Variants in DIP2C observed in about 807,000 individuals in gnomAD.
The protein encoded by DIP2C is disco-interacting protein 2 homolog C.
DIP2C carries 33 observed loss-of-function variants against 192.4 expected under a neutral mutation model. That is an observed-to-expected ratio of 0.17 (90% CI 0.13 to 0.23). DIP2C has a LOEUF of 0.23. DIP2C is among the 10% of genes least tolerant of loss of function. The pLI is 1.00. For missense variants in DIP2C, 1,537 were observed against 2,110.1 expected (o/e 0.73, Z 5.32); for synonymous variants, 979 against 864.1 (o/e 1.13, Z -2.33).
chr10:453,446 G>A (rs1434258964), intron 3 of DIP2C, among the ~76,000 whole-genome samples: 1 of 152,254 alleles, frequency 6.6e-6, no homozygotes, highest in Non-Finnish European at 1.5e-5. Context: ...GCAAATGCCT[G>A]AAATACAAAT....
intron 8 of DIP2C, among the ~76,000 whole-genome samples, chr10:410,640 G>A (rs1484235346): frequency 6.6e-6 from 1 of 152,150 alleles, no homozygotes; most frequent in Non-Finnish European, 1.5e-5. Context: ...CTTTGCAACT[G>A]AAAGAAAAAC....
chr10:353,011 G>A (rs1352260745), intron 24 of DIP2C, among the ~76,000 whole-genome samples: 1 of 152,144 alleles, frequency 6.6e-6, no homozygotes, highest in African/African-American at 2.4e-5. Flanking sequence ...CACCGCAGGT[G>A]ACAGTCGTCA....
At chr10:443,018 G>T (rs748982598) in intron 3 of DIP2C, among the ~76,000 whole-genome samples, 1 of 152,102 alleles carries the variant, frequency 6.6e-6, no homozygotes, top group African/African-American at 2.4e-5. Context: ...GGTATCTTCC[G>T]GACTAGACTC....
intron 9 of DIP2C, among the ~76,000 whole-genome samples, chr10:406,978 T>G (rs1321234884): frequency 3.9e-5 from 6 of 151,938 alleles, no homozygotes; most frequent in Non-Finnish European, 8.8e-5. Context: ...CGATCCCATC[T>G]CCAACCTGAC....
intron 2 of DIP2C, chr10:484,839 C>T (rs528956215): frequency 9.8e-5 from 158 of 1,611,646 alleles, no homozygotes; most frequent in Middle Eastern, 6.6e-4. Context: ...GCTCCCGAGC[C>T]GCAGCTTCTC....
chr10:326,897 C>A, intron 31 of DIP2C, 109 bp downstream of exon 31: 1 of 1,344,964 alleles, frequency 7.4e-7, no homozygotes, highest in East Asian at 2.4e-5. Context: ...AAGATCTCTT[C>A]TGGATGTAGC....
chr10:325,362 C>A (rs1338711214), intron 31 of DIP2C, among the ~76,000 whole-genome samples: 1 of 152,160 alleles, frequency 6.6e-6, no homozygotes, highest in Non-Finnish European at 1.5e-5. Context: ...CTACAAGAGG[C>A]CAATTTTACA....
intron 1 of DIP2C, among the ~76,000 whole-genome samples, chr10:620,523 C>T (rs1435064147): frequency 6.6e-6 from 1 of 152,176 alleles, no homozygotes; most frequent in Non-Finnish European, 1.5e-5. Flanking sequence ...AAAGAAAAGT[C>T]CATTTGGGTA....
At chr10:305,209 T>C (rs1326169124) in intron 32 of DIP2C, among the ~76,000 whole-genome samples, 1 of 151,854 alleles carries the variant, frequency 6.6e-6, no homozygotes, top group Non-Finnish European at 1.5e-5. Flanking sequence ...CACATCACAC[T>C]CACCCATGCA....
intron 10 of DIP2C, among the ~76,000 whole-genome samples, chr10:398,214 G>A (rs1248161983): frequency 6.6e-6 from 1 of 152,082 alleles, no homozygotes; most frequent in Non-Finnish European, 1.5e-5. Context: ...ACATTTTTAA[G>A]TCTGATAAGA....
At chr10:300,602 G>T (rs1337328303) in intron 32 of DIP2C, among the ~76,000 whole-genome samples, 1 of 152,078 alleles carries the variant, frequency 6.6e-6, no homozygotes, top group Non-Finnish European at 1.5e-5. Flanking sequence ...ACGGCCCTGA[G>T]CGTGTGGAGA....
chr10:345,419 C>CCACA (rs376682290), intron 26 of DIP2C, among the ~76,000 whole-genome samples: 1 of 151,600 alleles, frequency 6.6e-6, no homozygotes. Context: ...CCTGGAAACC[C>CCACA]CACACACACA....
intron 22 of DIP2C, among the ~76,000 whole-genome samples, chr10:359,783 G>A (rs557690210): frequency 6.6e-6 from 1 of 152,284 alleles, no homozygotes; most frequent in East Asian, 1.9e-4. Flanking sequence ...TCTGAATGAA[G>A]CATCTTTAAC....
chr10:501,170 A>C (rs374161609), intron 1 of DIP2C, among the ~76,000 whole-genome samples: 1 of 152,224 alleles, frequency 6.6e-6, no homozygotes, highest in Non-Finnish European at 1.5e-5. Context: ...AGGAAAGCAG[A>C]GATGATTCCT....
intron 2 of DIP2C, among the ~76,000 whole-genome samples, chr10:483,750 G>C (rs116396903): frequency 0.015 from 2,349 of 152,292 alleles, 67 homozygotes; most frequent in African/African-American, 0.053. Flanking sequence ...GAGGCGAGGC[G>C]GGGTGTCCTC....
At chr10:429,850 T>A (rs1489833095) in intron 4 of DIP2C, among the ~76,000 whole-genome samples, 1 of 152,140 alleles carries the variant, frequency 6.6e-6, no homozygotes, top group African/African-American at 2.4e-5. Flanking sequence ...AATATCTATG[T>A]GTAGGCTTTG....
chr10:365,917 C>T (rs1960134600), intron 19 of DIP2C, among the ~76,000 whole-genome samples: 1 of 152,204 alleles, frequency 6.6e-6, no homozygotes, highest in African/African-American at 2.4e-5. Flanking sequence ...CACGTGTAGC[C>T]CAGGCCAAGG....
intron 1 of DIP2C, among the ~76,000 whole-genome samples, chr10:580,103 GTA>G (rs1850512439): frequency 6.6e-6 from 1 of 152,118 alleles, no homozygotes; most frequent in Non-Finnish European, 1.5e-5. Context: ...ACATTTGTAT[GTA>G]CATAGGTATA....
chr10:551,826 G>A (rs1373067115), intron 1 of DIP2C, among the ~76,000 whole-genome samples: 1 of 152,178 alleles, frequency 6.6e-6, no homozygotes, highest in East Asian at 1.9e-4. Context: ...TCGGGCCACT[G>A]CACCTTTGAA....
Sources: gnomAD v4.1 joint callset for allele counts (sites outside exome capture counted in the v4.1 genomes callset) on GRCh38, gnomAD v4.1.1 for gene constraint, MANE v1.5 for transcripts, NCBI Gene and HGNC (gene_info 2026-07-23, HGNC 2026-07-21) for gene names.